MAGI2: variants seen among roughly 807,000 people sequenced by gnomAD.
MAGI2 encodes the protein membrane associated guanylate kinase, WW and PDZ domain containing 2.
A neutral mutation model predicts 133.3 loss-of-function variants in MAGI2; 35 were observed. The observed-to-expected ratio is 0.26, with a 90% CI of 0.20 to 0.35. The LOEUF (loss-of-function observed/expected upper bound fraction) is 0.35. MAGI2 is among the 10% of genes least tolerant of loss of function. MAGI2 has a pLI of 1.00. For missense variants in MAGI2, 1,636 were observed against 1,863.4 expected (o/e 0.88, Z 2.25); for synonymous variants, 729 against 710.6 (o/e 1.03, Z -0.41).
At chr7:78,921,879 T>A (rs1799256173) in intron 2 of MAGI2, among the ~76,000 whole-genome samples, 1 of 152,132 alleles carries the variant, frequency 6.6e-6, no homozygotes, top group South Asian at 2.1e-4. Flanking sequence ...GTGATCCGCC[T>A]GCCTTGGCCT....
chr7:78,764,415 T>C (rs989940507), intron 2 of MAGI2, among the ~76,000 whole-genome samples: 1 of 152,238 alleles, frequency 6.6e-6, no homozygotes, highest in Non-Finnish European at 1.5e-5. Flanking sequence ...GTCTCAAGGT[T>C]ATGATTTAAA....
At chr7:79,229,150 A>C (rs1419808424) in intron 1 of MAGI2, among the ~76,000 whole-genome samples, 15 of 151,920 alleles carry the variant, frequency 9.9e-5, no homozygotes, top group South Asian at 2.1e-4. Flanking sequence ...GGAAAAAAAA[A>C]AACAACAACA....
intron 5 of MAGI2, among the ~76,000 whole-genome samples, chr7:78,501,067 G>A (rs370303358): frequency 2.0e-5 from 3 of 152,180 alleles, no homozygotes; most frequent in South Asian, 2.1e-4. Context: ...TAGCCTGGGC[G>A]ACAGAGTGAG....
At chr7:79,093,178 A>C (rs1321141950) in intron 1 of MAGI2, among the ~76,000 whole-genome samples, 1 of 151,608 alleles carries the variant, frequency 6.6e-6, no homozygotes, top group Non-Finnish European at 1.5e-5. Context: ...GCTCTATTAA[A>C]AAAAAAAAAA....
intron 1 of MAGI2, among the ~76,000 whole-genome samples, chr7:79,184,141 A>C (rs1257969839): frequency 1.3e-5 from 2 of 151,814 alleles, no homozygotes; most frequent in Non-Finnish European, 2.9e-5. Flanking sequence ...ATAGATTCTT[A>C]AGGGTTTCAC....
At chr7:78,617,010 A>G (rs926897939) in intron 3 of MAGI2, 4 of 152,194 alleles carry the variant, frequency 2.6e-5, no homozygotes, top group Non-Finnish European at 5.9e-5. Context: ...TAAATGGTCA[A>G]TTATAAGTGC....
intron 2 of MAGI2, among the ~76,000 whole-genome samples, chr7:78,967,284 C>T (rs1041421027): frequency 6.6e-6 from 1 of 151,922 alleles, no homozygotes; most frequent in Non-Finnish European, 1.5e-5. Flanking sequence ...GTCCTTTGCC[C>T]TTTTTACTGG....
At chr7:78,432,405 C>T (rs1272024641) in intron 6 of MAGI2, among the ~76,000 whole-genome samples, 1 of 152,008 alleles carries the variant, frequency 6.6e-6, no homozygotes. Context: ...ACGTAGTAAA[C>T]AAATGCCCCA....
chr7:78,839,559 A>C (rs1336539588), intron 2 of MAGI2, among the ~76,000 whole-genome samples: 1 of 152,044 alleles, frequency 6.6e-6, no homozygotes, highest in Non-Finnish European at 1.5e-5. Flanking sequence ...AGGCCTCAGG[A>C]AACTTAAATC....
At chr7:79,106,138 T>C (rs1818430809) in intron 1 of MAGI2, among the ~76,000 whole-genome samples, 2 of 152,156 alleles carry the variant, frequency 1.3e-5, no homozygotes, top group Non-Finnish European at 2.9e-5. Context: ...AACTAACTAT[T>C]GATACATGCA....
chr7:78,434,693 C>G (rs974035172), intron 6 of MAGI2, among the ~76,000 whole-genome samples: 2 of 151,904 alleles, frequency 1.3e-5, no homozygotes, highest in Admixed American at 1.3e-4. Context: ...TATTTTAGAA[C>G]AGCATCAAGA....
chr7:78,968,562 T>C (rs1400324271), intron 2 of MAGI2, among the ~76,000 whole-genome samples: 1 of 152,042 alleles, frequency 6.6e-6, no homozygotes, highest in Non-Finnish European at 1.5e-5. Flanking sequence ...CTTATTAGCA[T>C]TGATAAGATT....
At chr7:79,354,953 G>T (rs1446619348) in intron 1 of MAGI2, among the ~76,000 whole-genome samples, 2 of 152,144 alleles carry the variant, frequency 1.3e-5, no homozygotes, top group Non-Finnish European at 2.9e-5. Flanking sequence ...TCCTACCTCT[G>T]TTGGGATCAC....
chr7:78,277,428 C>T (rs376835649), intron 9 of MAGI2, among the ~76,000 whole-genome samples: 10 of 152,276 alleles, frequency 6.6e-5, no homozygotes, highest in East Asian at 1.9e-4. Context: ...TCCAGTACAG[C>T]AGTGACACAC....
chr7:78,678,175 A>T (rs10240480), intron 2 of MAGI2, among the ~76,000 whole-genome samples: 19,318 of 152,064 alleles, frequency 0.13, 1,496 homozygotes, highest in African/African-American at 0.21. Context: ...CGAAATCCAA[A>T]GGGGTTTTCA....
At chr7:78,191,134 A>G (rs1243499467) in intron 12 of MAGI2, among the ~76,000 whole-genome samples, 1 of 152,178 alleles carries the variant, frequency 6.6e-6, no homozygotes, top group African/African-American at 2.4e-5. Context: ...AGGCCCATTG[A>G]TTAAAACTTT....
chr7:79,292,371 T>C (rs187025566), intron 1 of MAGI2, among the ~76,000 whole-genome samples: 1 of 151,984 alleles, frequency 6.6e-6, no homozygotes, highest in African/African-American at 2.4e-5. Flanking sequence ...CCTGTAATCC[T>C]AGCACTTTGG....
intron 13 of MAGI2, among the ~76,000 whole-genome samples, chr7:78,182,122 C>T (rs894552017): frequency 6.6e-6 from 1 of 152,120 alleles, no homozygotes; most frequent in African/African-American, 2.4e-5. Flanking sequence ...CACAGTTTGG[C>T]ACAGAGGATA....
intron 21 of MAGI2, among the ~76,000 whole-genome samples, chr7:78,038,339 A>G (rs1810448480): frequency 1.3e-5 from 2 of 152,216 alleles, no homozygotes; most frequent in Non-Finnish European, 2.9e-5. Flanking sequence ...TATTTCACAT[A>G]TATGTAACTA....
Sources: gnomAD v4.1 joint callset for allele counts (sites outside exome capture counted in the v4.1 genomes callset) on GRCh38, gnomAD v4.1.1 for gene constraint, MANE v1.5 for transcripts, NCBI Gene and HGNC (gene_info 2026-07-23, HGNC 2026-07-21) for gene names.